SPEN: variants seen among roughly 807,000 people sequenced by gnomAD.
The protein encoded by SPEN is msx2-interacting protein.
A neutral mutation model predicts 269.9 loss-of-function variants in SPEN; 18 were observed. That is an observed-to-expected ratio of 0.07 (90% CI 0.05 to 0.10). The LOEUF (loss-of-function observed/expected upper bound fraction) is 0.10. Among genes scored for constraint, SPEN ranks in the 10% least tolerant of loss-of-function variants. The pLI, the probability that SPEN is intolerant of heterozygous loss-of-function variation, is 1.00. For missense variants in SPEN, 3,822 were observed against 4,631.2 expected (o/e 0.83, Z 5.07); for synonymous variants, 1,726 against 1,765.7 (o/e 0.98, Z 0.56).
At chr1:15,882,166 C>T (rs1296735733) in intron 3 of SPEN, among the ~76,000 whole-genome samples, 1 of 152,128 alleles carries the variant, frequency 6.6e-6, no homozygotes, top group Non-Finnish European at 1.5e-5. Flanking sequence ...CTTCATGGCT[C>T]CATGTGCTGC....
chr1:15,891,113 T>C (rs1430633089), intron 3 of SPEN, among the ~76,000 whole-genome samples: 1 of 152,206 alleles, frequency 6.6e-6, no homozygotes, highest in African/African-American at 2.4e-5. Flanking sequence ...GAAATATATG[T>C]GTGTGGGTTT....
intron 1 of SPEN, among the ~76,000 whole-genome samples, chr1:15,871,260 G>A (rs185840672): frequency 2.0e-3 from 293 of 149,924 alleles, no homozygotes; most frequent in African/African-American, 6.9e-3. Context: ...GAGCCACCAC[G>A]CCTGGCCTCA....
intron 3 of SPEN, among the ~76,000 whole-genome samples, chr1:15,906,557 C>T (rs113225775): frequency 0.037 from 5,103 of 137,826 alleles, 282 homozygotes; most frequent in African/African-American, 0.13. Flanking sequence ...CTCCCTGGTT[C>T]AAGTGATTCT....
At chr1:15,892,133 G>T (rs2070796908) in intron 3 of SPEN, among the ~76,000 whole-genome samples, 1 of 145,562 alleles carries the variant, frequency 6.9e-6, no homozygotes, top group African/African-American at 2.6e-5. Context: ...TCATTCTCCT[G>T]CCTCAGCCTC....
At chr1:15,853,488 T>G (rs2070356196) in intron 1 of SPEN, among the ~76,000 whole-genome samples, 1 of 150,376 alleles carries the variant, frequency 6.6e-6, no homozygotes, top group South Asian at 2.1e-4. Context: ...TGCTGGCCTA[T>G]TTTTATTTTT....
Position 15,918,994 on chromosome 1 carries a change from C to A in SPEN, c.1464C>A (p.Ser488Arg), listed in dbSNP as rs756045251. 6.2e-7 allele frequency: 1 copy of A among 1,609,720 alleles called. No individual in the cohort carries two copies. Residue 488 changes from serine to arginine, a missense_variant, in exon 7 of 15, where the codon AGC (serine) becomes AGA (arginine). By Grantham distance (110) the Ser-to-Arg change is moderately radical. This residue lies in a region of SPEN where 230 missense variants were observed against 426.1 expected (regional missense o/e 0.54). Transcript: ENST00000375759. ...YAFLQYCDIA[S>R]VCKAIKKMDG... ...TTCTGCAATACTGTGATATTGCTAGCGTTTGTAAAGCTATTAAGAAGATGG... is the reference window on the plus strand; with the variant it reads ...TTCTGCAATACTGTGATATTGCTAGAGTTTGTAAAGCTATTAAGAAGATGG...
At chr1:15,859,629 A>G (rs1046379913) in intron 1 of SPEN, among the ~76,000 whole-genome samples, 2 of 151,916 alleles carry the variant, frequency 1.3e-5, no homozygotes, top group African/African-American at 4.8e-5. Flanking sequence ...TCGGCCTCCC[A>G]AAGTGCTGGG....
intron 1 of SPEN, among the ~76,000 whole-genome samples, chr1:15,860,395 GTGTGTGTGTGTGTGTGTGTGTGTA>G (rs2070433383): frequency 6.8e-6 from 1 of 147,008 alleles, no homozygotes; most frequent in Non-Finnish European, 1.5e-5. Context: ...GTGTGTGTGT[GTGTGTGTGTGTGTGTGTGTGTGTA>G]TGTGTAGCTA....
intron 3 of SPEN, among the ~76,000 whole-genome samples, chr1:15,880,774 C>T (rs985492012): frequency 6.6e-6 from 1 of 151,868 alleles, no homozygotes; most frequent in African/African-American, 2.4e-5. Flanking sequence ...GCTTTTGTAT[C>T]TATACATAAA....
chr1:15,848,546 G>A lies in SPEN; in HGVS notation c.83+396G>A, dbSNP rs898492402. On this transcript the variant is annotated intron_variant, in intron 1 of 14. Coordinates refer to ENST00000375759, the MANE Select transcript of SPEN (RefSeq NM_015001.3). The surrounding 1 kb of genome is among the most constrained non-coding windows in gnomAD (Gnocchi z 5.1). ...CCCGGAGCAGCCGGGACCCGAGCCC[G>A]CCCGACAGCCGGGTCCGGCGCCGCC... Among the ~76,000 whole-genome samples, 21 of 152,132 alleles carry A rather than the reference G, an allele frequency of 1.4e-4. No individual in the cohort carries two copies. The South Asian group carries it at 1.7e-3, about 12-fold the overall frequency.
chr1:15,848,222 C>G lies in SPEN; in HGVS notation c.83+72C>G, dbSNP rs1416518614. ...TTCCCGCCCCGGCCCGTTGCCGGCC[C>G]CTCCCGGAGCGCGGAGCTGGTGAGG... On this transcript the variant is annotated intron_variant, in intron 1 of 14. Transcript: ENST00000375759. The surrounding 1 kb of genome is among the most constrained non-coding windows in gnomAD (Gnocchi z 5.1). 2 of 1,147,070 alleles carry G rather than the reference C, an allele frequency of 1.7e-6. No homozygotes were observed. The highest frequency in any genetic ancestry group is 3.2e-5 in the African/African-American group (2 of 61,828). 71.1% of individuals were successfully genotyped at this position (1,147,070 alleles called of 1,614,324 possible).
rs541126378 is a variant in SPEN at position 15,931,173 on chromosome 1, G to C, written c.4933G>C (p.Val1645Leu). 3.7e-6 allele frequency: 6 copies of C among 1,614,056 alleles called. No individual in the cohort carries two copies. The highest frequency in any genetic ancestry group is 4.2e-6 in the Non-Finnish European group (5 of 1,180,052). Residue 1645 changes from valine to leucine, a missense_variant, in exon 11 of 15, where the codon GTA (valine) becomes CTA (leucine). Around this residue, in one of 16 missense-constraint regions of SPEN, gnomAD observed 533 missense variants for 618.8 expected, o/e 0.86. Coordinates refer to ENST00000375759, the MANE Select transcript of SPEN (RefSeq NM_015001.3). This position sits in a 1 kb window ranked among gnomAD's most constrained non-coding sequence, Gnocchi z 4.8. ...PSVGPPSVTV[V>L]TLESAPSALE... Reference sequence around the variant, plus strand: ...CGTTGGGCCTCCAAGTGTCACAGTCGTAACTCTAGAATCAGCCCCATCAGC... The same window carrying C: ...CGTTGGGCCTCCAAGTGTCACAGTCCTAACTCTAGAATCAGCCCCATCAGC...
At chr1:15,849,891 A>T (rs2070316176) in intron 1 of SPEN, among the ~76,000 whole-genome samples, 1 of 152,090 alleles carries the variant, frequency 6.6e-6, no homozygotes. Flanking sequence ...GGAAATTCGT[A>T]TGCACCGATG....
chr1:15,882,576 C>T (rs2070696954), intron 3 of SPEN, among the ~76,000 whole-genome samples: 1 of 152,170 alleles, frequency 6.6e-6, no homozygotes, highest in African/African-American at 2.4e-5. Flanking sequence ...GCGAGAATCG[C>T]TTGAACCTGG....
intron 1 of SPEN, among the ~76,000 whole-genome samples, chr1:15,849,625 G>A (rs890381393): frequency 3.9e-5 from 6 of 151,964 alleles, no homozygotes; most frequent in African/African-American, 1.5e-4. Flanking sequence ...CGGGGGCGGG[G>A]GGAGGCAGGG....
chr1:15,905,450 G>A (rs1013940048), intron 3 of SPEN, among the ~76,000 whole-genome samples: 3 of 152,002 alleles, frequency 2.0e-5, no homozygotes, highest in African/African-American at 7.3e-5. Flanking sequence ...TCAAACTCCT[G>A]ACCTCAGGTG....
chr1:15,938,314 C>T (rs2071299191), intron 13 of SPEN, among the ~76,000 whole-genome samples: 1 of 152,116 alleles, frequency 6.6e-6, no homozygotes, highest in Admixed American at 6.5e-5. Context: ...TGGGGTTTCA[C>T]CATGTTGGCC....
chr1:15,857,943 C>T (rs1038977994), intron 1 of SPEN, among the ~76,000 whole-genome samples: 1 of 152,070 alleles, frequency 6.6e-6, no homozygotes, highest in Admixed American at 6.5e-5. Flanking sequence ...TCCTGGCCAA[C>T]ATAGTGAAAT....
At chr1:15,923,191 T>C (rs1168935537) in intron 10 of SPEN, among the ~76,000 whole-genome samples, 1 of 152,224 alleles carries the variant, frequency 6.6e-6, no homozygotes, top group East Asian at 1.9e-4. Context: ...ACTGGCAACT[T>C]TGGCAATGTG....
Sources: gnomAD v4.1 joint callset for allele counts (sites outside exome capture counted in the v4.1 genomes callset) on GRCh38, gnomAD v4.1.1 for gene constraint, gnomAD v4.1.1 regional missense constraint, Gnocchi (gnomAD v3.1) non-coding constraint, MANE v1.5 for transcripts, NCBI Gene and HGNC (gene_info 2026-07-23, HGNC 2026-07-21) for gene names.